The following PHKB variants were observed in gnomAD, a reference collection of about 807,000 sequenced individuals.
PHKB encodes the protein phosphorylase kinase regulatory subunit beta.
Under a neutral mutation model 152.1 loss-of-function variants are expected in PHKB, and 122 were observed. That is an observed-to-expected ratio of 0.80 (90% CI 0.69 to 0.93). PHKB has a LOEUF of 0.93. PHKB is among the 40% of genes least tolerant of loss of function. The probability of loss-of-function intolerance (pLI) is 0.00; values close to 1 mark genes in which losing one functional copy is unlikely to be tolerated. For missense variants in PHKB, 1,304 were observed against 1,328.4 expected (o/e 0.98, Z 0.29); for synonymous variants, 436 against 464.9 (o/e 0.94, Z 0.80).
chr16:47,566,838 G>C, intron 7 of PHKB: 2 of 720,132 alleles, frequency 2.8e-6, no homozygotes, highest in South Asian at 1.4e-5. Context: ...CTCAGCCAGA[G>C]AGTCTGTTAG....
rs371316600 is a variant in PHKB at position 47,698,431 on chromosome 16, A to G, written c.3004-17A>G. 5.0e-6 allele frequency: 8 copies of G among 1,600,440 alleles called. No individual in the cohort carries two copies. The East Asian group carries it at 6.7e-5, about 13-fold the overall frequency. ...TTATGGTTCATATAGTTGGCTTTCAATGTCTGTCTCTTCTAGTTACTTATG... is the reference window on the plus strand; with the variant it reads ...TTATGGTTCATATAGTTGGCTTTCAGTGTCTGTCTCTTCTAGTTACTTATG... On this transcript the variant is annotated splice_polypyrimidine_tract_variant and intron_variant, in intron 29 of 30. Coordinates refer to ENST00000323584, the MANE Select transcript of PHKB (RefSeq NM_000293.3).
intron 2 of PHKB, among the ~76,000 whole-genome samples, chr16:47,498,531 C>T (rs1597032352): frequency 6.6e-6 from 1 of 152,082 alleles, no homozygotes; most frequent in Non-Finnish European, 1.5e-5. Context: ...CAAAAATCAG[C>T]CATGAGTGGT....
intron 14 of PHKB, among the ~76,000 whole-genome samples, chr16:47,620,598 G>A (rs1287116882): frequency 1.3e-5 from 2 of 152,158 alleles, no homozygotes. Context: ...TGTTCTGGCC[G>A]GGCATGGTGG....
intron 6 of PHKB, among the ~76,000 whole-genome samples, chr16:47,539,006 A>G (rs907880065): frequency 6.6e-6 from 1 of 152,256 alleles, no homozygotes; most frequent in Non-Finnish European, 1.5e-5. Flanking sequence ...AGTTTGCCAT[A>G]TTGAACCTAA....
chr16:47,566,531 A>C (rs1971570166), intron 7 of PHKB: 2 of 1,600,882 alleles, frequency 1.2e-6, no homozygotes, highest in Admixed American at 3.4e-5. Flanking sequence ...AAAGCACTGC[A>C]CTGATATTTA....
chr16:47,692,922 A>C (rs914321499), intron 27 of PHKB, among the ~76,000 whole-genome samples: 36 of 152,198 alleles, frequency 2.4e-4, no homozygotes, highest in Admixed American at 1.4e-3. Flanking sequence ...TCATTTATTC[A>C]TTCACTTTTT....
chr16:47,683,203 C>T (rs1301030319), intron 26 of PHKB, among the ~76,000 whole-genome samples: 1 of 152,224 alleles, frequency 6.6e-6, no homozygotes, highest in Non-Finnish European at 1.5e-5. Context: ...TTAGGCTGCT[C>T]GGGGGTCAAG....
chr16:47,665,331 TAA>T (rs536001734), intron 25 of PHKB: 20 of 210,748 alleles, frequency 9.5e-5, no homozygotes, highest in South Asian at 4.9e-4. Flanking sequence ...TGCTGTACTT[TAA>T]AAAAAAAAAA....
At chr16:47,541,742 G>C (rs1219933124) in intron 6 of PHKB, among the ~76,000 whole-genome samples, 2 of 152,170 alleles carry the variant, frequency 1.3e-5, no homozygotes, top group East Asian at 3.8e-4. Context: ...TTTCTCTGAC[G>C]ACCAGTGATG....
At chr16:47,629,442 A>G (rs1230596085) in intron 14 of PHKB, among the ~76,000 whole-genome samples, 3 of 152,084 alleles carry the variant, frequency 2.0e-5, no homozygotes, top group African/African-American at 4.8e-5. Context: ...ATCACTGGCC[A>G]TCAGAGAAAT....
intron 1 of PHKB, among the ~76,000 whole-genome samples, chr16:47,482,296 T>C (rs1263826948): frequency 2.6e-5 from 4 of 152,240 alleles, no homozygotes; most frequent in Admixed American, 6.5e-5. Context: ...TGTGTTTCTA[T>C]TGGAAGAAAA....
At chr16:47,621,392 G>A (rs973869707) in intron 14 of PHKB, among the ~76,000 whole-genome samples, 1 of 152,172 alleles carries the variant, frequency 6.6e-6, no homozygotes, top group Non-Finnish European at 1.5e-5. Flanking sequence ...ATATGGACTT[G>A]TAGCGATTTC....
intron 13 of PHKB, chr16:47,598,686 C>T: frequency 6.4e-7 from 1 of 1,556,062 alleles, no homozygotes; most frequent in South Asian, 1.1e-5. Context: ...CGGCAGGAGG[C>T]TCTTCCACTA....
chr16:47,583,425 A>G (rs1971883017), intron 8 of PHKB, among the ~76,000 whole-genome samples: 1 of 152,244 alleles, frequency 6.6e-6, no homozygotes, highest in South Asian at 2.1e-4. Context: ...GAATTGACAT[A>G]AAGAAATGCT....
At chr16:47,520,803 A>T (rs2151655276) in intron 6 of PHKB, among the ~76,000 whole-genome samples, 1 of 152,276 alleles carries the variant, frequency 6.6e-6, no homozygotes, top group East Asian at 1.9e-4. Flanking sequence ...GAAAACAGAG[A>T]ATGTGTTGTG....
intron 25 of PHKB, among the ~76,000 whole-genome samples, chr16:47,668,382 CT>C (rs1178322025): frequency 2.0e-5 from 3 of 152,202 alleles, no homozygotes; most frequent in African/African-American, 7.2e-5. Flanking sequence ...GCTCTCTCCC[CT>C]CATCTCTGTG....
chr16:47,480,053 C>T (rs886382186), intron 1 of PHKB, among the ~76,000 whole-genome samples: 1 of 152,112 alleles, frequency 6.6e-6, no homozygotes, highest in Admixed American at 6.6e-5. Context: ...TATATATATA[C>T]ATCTCCTGTC....
At chr16:47,631,940 A>G (rs544832130) in intron 14 of PHKB, among the ~76,000 whole-genome samples, 10 of 152,252 alleles carry the variant, frequency 6.6e-5, no homozygotes, top group African/African-American at 2.2e-4. Context: ...ACCATTGAGG[A>G]AGTCAGTGTG....
At chr16:47,500,716 ATAGT>A (rs200283029) in intron 3 of PHKB, among the ~76,000 whole-genome samples, 1,757 of 152,262 alleles carry the variant, frequency 0.012, 13 homozygotes, top group Non-Finnish European at 0.017. Flanking sequence ...AAAAAAAGAA[ATAGT>A]TAGACAATAC....
Sources: allele counts gnomAD v4.1 joint callset (sites outside exome capture counted in the v4.1 genomes callset), GRCh38; gene constraint gnomAD v4.1.1; transcripts MANE v1.5; gene names NCBI Gene and HGNC (gene_info 2026-07-23, HGNC 2026-07-21).